Variants in SMAP1 observed in about 807,000 individuals in gnomAD.
The protein encoded by SMAP1 is stromal membrane-associated protein 1.
Under a neutral mutation model 58.5 loss-of-function variants are expected in SMAP1, and 24 were observed. That is an observed-to-expected ratio of 0.41 (90% CI 0.30 to 0.58). The LOEUF (loss-of-function observed/expected upper bound fraction) is 0.58. Ranked by LOEUF, SMAP1 falls within the 20% of genes least tolerant of loss-of-function variation. SMAP1 has a pLI of 0.29. For missense variants in SMAP1, 563 were observed against 566.3 expected (o/e 0.99, Z 0.06); for synonymous variants, 216 against 196.6 (o/e 1.10, Z -0.82).
At chr6:70,750,968 G>A (rs1282565787) in intron 2 of SMAP1, among the ~76,000 whole-genome samples, 5 of 152,108 alleles carry the variant, frequency 3.3e-5, no homozygotes, top group South Asian at 2.1e-4. Context: ...GGCAGGGTGC[G>A]GTGGCTCATA....
intron 1 of SMAP1, among the ~76,000 whole-genome samples, chr6:70,682,170 ATTTTTTTTTTTTTTTTTT>A (rs66981900): frequency 8.2e-4 from 79 of 95,912 alleles, no homozygotes; most frequent in South Asian, 2.5e-3. Context: ...CTCTGCACAG[ATTTTTTTTTTTTTTTTTT>A]TTTTTTTTTT....
At chr6:70,794,681 T>G (rs1035269863) in intron 5 of SMAP1, among the ~76,000 whole-genome samples, 3 of 152,164 alleles carry the variant, frequency 2.0e-5, no homozygotes, top group Non-Finnish European at 4.4e-5. Flanking sequence ...GATAGTTTGC[T>G]CAGAATGATG....
intron 4 of SMAP1, among the ~76,000 whole-genome samples, chr6:70,789,533 T>C (rs1020685230): frequency 6.6e-6 from 1 of 151,904 alleles, no homozygotes; most frequent in Non-Finnish European, 1.5e-5. Flanking sequence ...GTCTTTCTTC[T>C]TAAGTTTGTT....
At chr6:70,724,906 T>A (rs1257106325) in intron 1 of SMAP1, among the ~76,000 whole-genome samples, 2 of 151,892 alleles carry the variant, frequency 1.3e-5, no homozygotes, top group Admixed American at 6.6e-5. Context: ...TTCTATTGAG[T>A]GTATTTGCTA....
intron 1 of SMAP1, among the ~76,000 whole-genome samples, chr6:70,722,383 A>G (rs933562660): frequency 3.3e-5 from 5 of 152,240 alleles, no homozygotes; most frequent in Non-Finnish European, 5.9e-5. Context: ...GAATTCTAGC[A>G]TTGTTTTCCT....
chr6:70,784,461 T>G (rs1314002547), intron 4 of SMAP1, among the ~76,000 whole-genome samples: 1 of 152,080 alleles, frequency 6.6e-6, no homozygotes, highest in Non-Finnish European at 1.5e-5. Context: ...AATATTAACT[T>G]TAAATGTAAA....
intron 1 of SMAP1, among the ~76,000 whole-genome samples, chr6:70,725,109 T>G (rs1329311103): frequency 3.0e-5 from 3 of 101,088 alleles, no homozygotes; most frequent in Admixed American, 1.0e-4. Flanking sequence ...TTTTTTTTTT[T>G]TTTTTTTTTT....
chr6:70,834,953 G>A (rs941858981), intron 6 of SMAP1, among the ~76,000 whole-genome samples: 65 of 152,136 alleles, frequency 4.3e-4, no homozygotes, highest in African/African-American at 1.5e-3. Context: ...ATTTGAGAGA[G>A]TTATTAAAGA....
chr6:70,839,658 G>A (rs953720383), intron 7 of SMAP1, among the ~76,000 whole-genome samples: 3 of 152,170 alleles, frequency 2.0e-5, no homozygotes, highest in Non-Finnish European at 2.9e-5. Flanking sequence ...TGGCAGAAGA[G>A]TTCCAAAGAT....
intron 1 of SMAP1, among the ~76,000 whole-genome samples, chr6:70,710,676 G>T (rs556475343): frequency 3.3e-5 from 5 of 151,992 alleles, no homozygotes; most frequent in African/African-American, 1.2e-4. Context: ...AGAATAAATT[G>T]ATATTAAAAA....
At chr6:70,728,053 G>C (rs1476585692) in intron 1 of SMAP1, among the ~76,000 whole-genome samples, 2 of 152,032 alleles carry the variant, frequency 1.3e-5, no homozygotes, top group African/African-American at 4.8e-5. Flanking sequence ...AATAGAGTGA[G>C]ACCCTGTCTC....
intron 6 of SMAP1, among the ~76,000 whole-genome samples, chr6:70,801,219 C>G (rs1035971047): frequency 2.0e-5 from 3 of 152,080 alleles, no homozygotes; most frequent in Non-Finnish European, 4.4e-5. Flanking sequence ...TTCTACCTGG[C>G]GTGAGATGGT....
chr6:70,734,128 C>G (rs899740617), intron 2 of SMAP1, among the ~76,000 whole-genome samples: 2 of 143,988 alleles, frequency 1.4e-5, no homozygotes, highest in African/African-American at 5.2e-5. Flanking sequence ...TGTCTGGCCC[C>G]CCTCCCCTGC....
intron 1 of SMAP1, among the ~76,000 whole-genome samples, chr6:70,697,154 A>G (rs1319392328): frequency 6.6e-6 from 1 of 152,060 alleles, no homozygotes; most frequent in Non-Finnish European, 1.5e-5. Context: ...GTAACAGTTC[A>G]TTGGATGTTG....
intron 2 of SMAP1, among the ~76,000 whole-genome samples, chr6:70,738,204 C>G (rs1213019773): frequency 2.0e-5 from 3 of 152,108 alleles, no homozygotes; most frequent in African/African-American, 7.2e-5. Context: ...AGTCAGTCTT[C>G]TTTAGTTACC....
chr6:70,725,531 G>A (rs1380168994), intron 1 of SMAP1, among the ~76,000 whole-genome samples: 2 of 152,082 alleles, frequency 1.3e-5, no homozygotes, highest in African/African-American at 4.8e-5. Context: ...AAGGGCCTGT[G>A]GTATGGAAAG....
At chr6:70,839,150 CTGTTTCTCTTTCT>C in intron 7 of SMAP1, among the ~76,000 whole-genome samples, 1 of 152,162 alleles carries the variant, frequency 6.6e-6, no homozygotes, top group African/African-American at 2.4e-5. Context: ...CATTAAACAT[CTGTTTCTCTTTCT>C]GTGGGTCAGC....
rs551569844 is a variant in SMAP1, at chr6:70,711,051, A to G, written c.119-21327A>G. ...TAATAATAATGCTGTCTTCTGGAAT[A>G]CCTCCTGAAGGGCCTACCTGAGGCT... is the stretch of plus-strand genomic sequence containing the variant. On this transcript the variant is annotated intron_variant, in intron 1 of 10. Transcript: ENST00000370455. Among the ~76,000 whole-genome samples, 3 of 152,210 alleles carry G rather than the reference A, an allele frequency of 2.0e-5. No individual in the cohort carries two copies. In the East Asian group the frequency reaches 5.8e-4, roughly 29 times the overall value.
chr6:70,724,483 A>G (rs1262035069), intron 1 of SMAP1, among the ~76,000 whole-genome samples: 1 of 152,236 alleles, frequency 6.6e-6, no homozygotes, highest in Non-Finnish European at 1.5e-5. Context: ...GGCGTGAGCC[A>G]CTGCACCCGG....
Sources: gnomAD v4.1 joint callset for allele counts (sites outside exome capture counted in the v4.1 genomes callset) on GRCh38, gnomAD v4.1.1 for gene constraint, MANE v1.5 for transcripts, NCBI Gene and HGNC (gene_info 2026-07-23, HGNC 2026-07-21) for gene names.